TNS3: variants seen among roughly 807,000 people sequenced by gnomAD.
The protein encoded by TNS3 is tensin-3.
TNS3 carries 45 observed loss-of-function variants against 140.9 expected under a neutral mutation model. That is an observed-to-expected ratio of 0.32 (90% CI 0.25 to 0.41). The LOEUF is 0.41. TNS3 is among the 10% of genes least tolerant of loss of function. TNS3 has a pLI of 1.00. For missense variants in TNS3, 1,716 were observed against 1,906.7 expected, an observed-to-expected ratio of 0.90 and a Z score of 1.86; for synonymous variants, 815 against 788.4, an observed-to-expected ratio of 1.03 and a Z score of -0.56.
chr7:47,460,574 G>A (rs1796448702), intron 4 of TNS3, among the ~76,000 whole-genome samples: 1 of 152,226 alleles, frequency 6.6e-6, no homozygotes, highest in Non-Finnish European at 1.5e-5. Context: ...CTGCCGCCCT[G>A]CGCTCCCCTC....
chr7:47,486,414 G>A (rs979187504), intron 3 of TNS3, among the ~76,000 whole-genome samples: 1 of 152,130 alleles, frequency 6.6e-6, no homozygotes, highest in African/African-American at 2.4e-5. Context: ...ATGTGTCTCT[G>A]TGTGTTTGTG....
rs1269776601 is a variant in TNS3 at position 47,345,105 on chromosome 7, T to C, written c.2452-67A>G. 5 of 1,305,870 alleles carry C rather than the reference T, an allele frequency of 3.8e-6. No homozygotes were observed. In the African/African-American group the frequency reaches 5.8e-5, roughly 15 times the overall value. 80.9% of individuals were successfully genotyped at this position (1,305,870 alleles called of 1,614,324 possible). On this transcript the variant is annotated intron_variant, in intron 18 of 30. Coordinates refer to ENST00000311160, the MANE Select transcript of TNS3 (RefSeq NM_022748.12). ...AAGTGAAGGCCCCTCCAAACAGTTGTGGTTGTGGCTCCCCCAGGCTGGCCC... is the reference window on the plus strand; with the variant it reads ...AAGTGAAGGCCCCTCCAAACAGTTGCGGTTGTGGCTCCCCCAGGCTGGCCC...
At chr7:47,518,300 G>C (rs932089313) in intron 2 of TNS3, among the ~76,000 whole-genome samples, 3 of 152,066 alleles carry the variant, frequency 2.0e-5, no homozygotes, top group African/African-American at 7.2e-5. Flanking sequence ...GGTAGGATTG[G>C]ATGTCGCCGC....
At chr7:47,538,175 G>A (rs1197745640) in intron 1 of TNS3, among the ~76,000 whole-genome samples, 1 of 152,134 alleles carries the variant, frequency 6.6e-6, no homozygotes, top group Admixed American at 6.5e-5. Flanking sequence ...GGAGAGGCGG[G>A]CAAGATCCAC....
Position 47,426,746 on chromosome 7 carries a change from A to G in TNS3, c.389+1566T>C, listed in dbSNP as rs548816630. On this transcript the variant is annotated intron_variant, in intron 9 of 30. Transcript: ENST00000311160. ...CGTCAAAGGTGTGTTTTTAGCCCTA[A>G]GACATCTACCCTTCCCAAAAAATCC... Among the ~76,000 whole-genome samples the G allele has an allele frequency of 5.3e-5, 8 of 152,286 alleles. No individual in the cohort carries two copies. The South Asian group carries it at 1.7e-3, about 32-fold the overall frequency.
intron 1 of TNS3, among the ~76,000 whole-genome samples, chr7:47,537,767 G>A (rs1216691474): frequency 2.0e-5 from 3 of 152,154 alleles, no homozygotes; most frequent in South Asian, 2.1e-4. Flanking sequence ...TGGAAAGCAG[G>A]TAAACACCGA....
chr7:47,476,830 A>T (rs1444775658), intron 4 of TNS3, among the ~76,000 whole-genome samples: 1 of 152,194 alleles, frequency 6.6e-6, no homozygotes, highest in Admixed American at 6.5e-5. Context: ...GTTGACATTC[A>T]CAAAGGGAGG....
At chr7:47,456,682 A>T (rs1796260136) in intron 4 of TNS3, among the ~76,000 whole-genome samples, 5 of 152,160 alleles carry the variant, frequency 3.3e-5, no homozygotes, top group Admixed American at 2.0e-4. Flanking sequence ...TGAGACAGCA[A>T]CAGGGAACGC....
intron 1 of TNS3, among the ~76,000 whole-genome samples, chr7:47,578,276 C>T (rs1800722036): frequency 6.6e-6 from 1 of 152,036 alleles, no homozygotes; most frequent in Non-Finnish European, 1.5e-5. Context: ...CCCGACTGGA[C>T]TCCAGCCTGG....
intron 10 of TNS3, among the ~76,000 whole-genome samples, chr7:47,416,626 G>A (rs541032840): frequency 5.3e-5 from 8 of 152,228 alleles, no homozygotes; most frequent in South Asian, 4.1e-4. Flanking sequence ...GCCTGGAGAC[G>A]TGGGGACCCT....
At chr7:47,578,733 A>T (rs188602166) in intron 1 of TNS3, among the ~76,000 whole-genome samples, 5 of 152,364 alleles carry the variant, frequency 3.3e-5, no homozygotes, top group African/African-American at 1.2e-4. Flanking sequence ...CCTGAGTCAC[A>T]GAGTACAAAC....
At chr7:47,469,496 T>C (rs1223883892) in intron 4 of TNS3, among the ~76,000 whole-genome samples, 11 of 152,294 alleles carry the variant, frequency 7.2e-5, no homozygotes, top group Non-Finnish European at 1.5e-5. Flanking sequence ...GTGTGGAGAT[T>C]TCTCAAAGAA....
At position 47,303,212 on chromosome 7, in the gene TNS3, G is replaced by A. The variant is rs767892139; in HGVS notation, c.3195C>T (p.Phe1065=). The A allele has an allele frequency of 6.2e-7, 1 of 1,613,566 alleles. No homozygotes were observed. Among genetic ancestry groups the A allele is most frequent in the South Asian group, 1.1e-5 (1 of 91,086 alleles). ...CCACCGTGAGAAAGTTGTGGGACAG[G>A]AAGCCATTGTCGGCAGCCCCTGTCG... The part of the protein sequence containing the change: ...LTATGAADNG[F]LSHNFLTVAP... Residue 1065 remains phenylalanine (F), a synonymous_variant, in exon 22 of 31, where the codon TTC becomes TTT. Coordinates refer to ENST00000311160, the MANE Select transcript of TNS3 (RefSeq NM_022748.12).
At chr7:47,330,456 A>T (rs996971412) in intron 20 of TNS3, among the ~76,000 whole-genome samples, 2 of 152,206 alleles carry the variant, frequency 1.3e-5, no homozygotes, top group African/African-American at 4.8e-5. Flanking sequence ...TCTCTGTGTT[A>T]GATGCCAGGA....
chr7:47,575,822 C>CA lies in TNS3; in HGVS notation c.-265+6228dup, dbSNP rs10553927. ...TGGGTGACAGAGTGAGACTCTGCCTCAAAAAAAAAAAAAAAAAAAAAAAGC... is the reference window on the plus strand; with the variant it reads ...TGGGTGACAGAGTGAGACTCTGCCTCAAAAAAAAAAAAAAAAAAAAAAAAGC... On this transcript the variant is annotated intron_variant, in intron 1 of 30. Coordinates refer to ENST00000311160, the MANE Select transcript of TNS3 (RefSeq NM_022748.12). Among the ~76,000 whole-genome samples, 281 of 68,156 alleles carry CA rather than the reference C, an allele frequency of 4.1e-3. 2 individuals carry two copies. The highest frequency in any genetic ancestry group is 0.025 in the South Asian group (36 of 1,426). 44.7% of individuals were successfully genotyped at this position (68,156 alleles called of 152,430 possible).
At position 47,303,431 on chromosome 7, in the gene TNS3, C is replaced by T; in HGVS notation, c.2976G>A (p.Glu992=). ...SPVLSCFPPS[E]LQAPFHSHEL... ...CATGGCTGTGGAAAGGAGCCTGGAG[C>T]TCTGACGGCGGGAAGCAGGACAGCA... The change falls in exon 22 of 31, where the codon GAG becomes GAA. Residue 992 remains glutamate, a synonymous_variant. Coordinates refer to ENST00000311160, the MANE Select transcript of TNS3 (RefSeq NM_022748.12). 2 of 1,613,576 alleles carry T rather than the reference C, an allele frequency of 1.2e-6. No individual in the cohort carries two copies. Among genetic ancestry groups the T allele is most frequent in the African/African-American group, 1.3e-5 (1 of 75,054 alleles).
intron 16 of TNS3, among the ~76,000 whole-genome samples, chr7:47,389,092 G>GCAGAAGCAGAAGAAGAA (rs1562675398): frequency 3.6e-5 from 2 of 55,432 alleles, no homozygotes; most frequent in African/African-American, 2.4e-4. Flanking sequence ...AAGAGGAAGA[G>GCAGAAGCAGAAGAAGAA]GAAGAGGAAG....
At chr7:47,502,208 A>G (rs1798252148) in intron 3 of TNS3, among the ~76,000 whole-genome samples, 1 of 152,202 alleles carries the variant, frequency 6.6e-6, no homozygotes, top group Admixed American at 6.5e-5. Context: ...GTTTTTCATC[A>G]GACAATGGGG....
At chr7:47,437,804 A>AT (rs1451848136) in intron 6 of TNS3, among the ~76,000 whole-genome samples, 1 of 77,356 alleles carries the variant, frequency 1.3e-5, no homozygotes, top group Non-Finnish European at 3.5e-5. Flanking sequence ...TATATAATAT[A>AT]AAATATATAT....
Sources: allele counts gnomAD v4.1 joint callset (sites outside exome capture counted in the v4.1 genomes callset), GRCh38; gene constraint gnomAD v4.1.1; transcripts MANE v1.5; gene names NCBI Gene and HGNC (gene_info 2026-07-23, HGNC 2026-07-21).